ZNF512B: variants seen among roughly 807,000 people sequenced by gnomAD.
ZNF512B encodes the protein zinc finger protein 512B.
In ZNF512B, 22 loss-of-function variants were observed where a neutral mutation model predicts 87.8. The ratio of observed to expected loss-of-function variants is 0.25; its 90% CI spans 0.18 to 0.36. ZNF512B has a LOEUF of 0.36. ZNF512B is among the 10% of genes least tolerant of loss of function. The pLI, the probability that ZNF512B is intolerant of heterozygous loss-of-function variation, is 1.00. For synonymous variants in ZNF512B, 524 were observed against 490.9 expected (o/e 1.07, Z -0.89); for missense variants, 1,060 against 1,231.6 (o/e 0.86, Z 2.09).
intron 1 of ZNF512B, chr20:63,969,222 A>C: frequency 2.0e-6 from 2 of 978,492 alleles, no homozygotes; most frequent in Non-Finnish European, 2.4e-6. Flanking sequence ...CTGAGGCCCC[A>C]CTTCCAATTT....
chr20:63,962,526 C>A, intron 13 of ZNF512B, 61 bp downstream of exon 13: 1 of 1,565,062 alleles, frequency 6.4e-7, no homozygotes, highest in Non-Finnish European at 8.6e-7. Flanking sequence ...AAGTCTCAGG[C>A]CAAGGCATGC....
chr20:63,968,378 G>A (rs539163622), intron 1 of ZNF512B, among the ~76,000 whole-genome samples: 1 of 152,320 alleles, frequency 6.6e-6, no homozygotes, highest in South Asian at 2.1e-4. Flanking sequence ...GAAGGAGGCT[G>A]GCAACATTCC....
rs762479215 is a variant in ZNF512B at position 63,961,993 on chromosome 20, G to A, written c.2277C>T (p.Ala759=). ...HVNCPNDCCE[A]IYSSVSGLKA... The stretch of plus-strand genomic sequence containing the variant: ...TGAGTCCGGACACGCTGGAGTAGAT[G>A]GCTTCACAGCACTGCAGGGAAGGGA... The change falls in exon 15 of 17, where the codon GCC becomes GCT. Residue 759 remains alanine (A), a synonymous_variant. Transcript: ENST00000369888. The surrounding 1 kb of genome is among the most constrained non-coding windows in gnomAD (Gnocchi z 6.4). 18 of 1,551,038 alleles carry A rather than the reference G, an allele frequency of 1.2e-5. 1 individual carries two copies. In the South Asian group the frequency reaches 2.0e-4, roughly 17 times the overall value.
At chr20:63,964,000 C>T (rs1029221830) in intron 8 of ZNF512B, 71 bp downstream of exon 8, 1 of 1,594,188 alleles carries the variant, frequency 6.3e-7, no homozygotes, top group African/African-American at 1.3e-5. Context: ...CCACACTCAG[C>T]CCCCATCCCT....
intron 11 of ZNF512B, 32 bp from the exon 12 acceptor site, chr20:63,963,297 C>A (rs1569195741): frequency 6.5e-7 from 1 of 1,536,998 alleles, no homozygotes; most frequent in South Asian, 1.2e-5. Context: ...GGGTGAGTGG[C>A]CAGCAGGGCC....
chr20:63,963,449 A>G lies in ZNF512B; in HGVS notation c.1699-9T>C, dbSNP rs769500419. 1.9e-6 allele frequency: 3 copies of G among 1,547,340 alleles called. 1 individual carries two copies. In the South Asian group the frequency reaches 3.5e-5, roughly 18 times the overall value. ...GCCTCGGCGTCAGAGGGCTGGGGAC[A>G]GGGTGAGCATCGGTGACCCGGCACC... On this transcript the variant is annotated splice_polypyrimidine_tract_variant and intron_variant, in intron 10 of 16. Coordinates refer to ENST00000369888, the MANE Select transcript of ZNF512B (RefSeq NM_020713.3).
chr20:63,967,608 T>G (rs2058941843), intron 2 of ZNF512B, 85 bp from the exon 3 acceptor site: 8 of 1,507,722 alleles, frequency 5.3e-6, no homozygotes, highest in Non-Finnish European at 7.1e-6. Flanking sequence ...TGAGCACCGC[T>G]GTCCCAACAC....
chr20:63,962,046 CCCCACACCAAGATATACCCCTG>C, intron 14 of ZNF512B, 42 bp from the exon 15 acceptor site: 1 of 1,543,612 alleles, frequency 6.5e-7, no homozygotes, highest in Non-Finnish European at 8.8e-7. Context: ...CTGGTGGGCA[CCCCACACCAAGATATACCCCTG>C]CCCTACCCCA....
Position 63,967,016 on chromosome 20 carries a change from G to T in ZNF512B, c.265-12C>A, listed in dbSNP as rs1569199875. The T allele has an allele frequency of 1.2e-6, 2 of 1,612,958 alleles. No individual in the cohort carries two copies. The highest frequency in any genetic ancestry group is 1.1e-5 in the South Asian group (1 of 91,080). ...TTCATCAGGGAGAGCTAGGCGTGGG[G>T]AAAGGTGGTGCTGCTGACCCGCAGC... is the stretch of plus-strand genomic sequence containing the variant. On this transcript the variant is annotated splice_polypyrimidine_tract_variant and intron_variant, in intron 3 of 16. Transcript: ENST00000369888.
Position 63,962,737 on chromosome 20 carries a change from C to A in ZNF512B, c.2013G>T (p.Pro671=), listed in dbSNP as rs755705136. ...PTDKSPEAED[P]LGVERTPSGR... ...CGCTTGGGGTCCGCTCCACACCCAG[C>A]GGGTCCTCAGCCTCAGGGGACTTGT... The change falls in exon 13 of 17, where the codon CCG becomes CCT. Residue 671 remains proline (P), a synonymous_variant. Coordinates refer to ENST00000369888, the MANE Select transcript of ZNF512B (RefSeq NM_020713.3). 15 of 1,602,650 alleles carry A rather than the reference C, an allele frequency of 9.4e-6. No individual in the cohort carries two copies. The South Asian group carries it at 1.2e-4, about 13-fold the overall frequency.
rs185549657 is a variant in ZNF512B at position 63,956,723 on chromosome 20, A to G, written c.*3165T>C. The G allele has an allele frequency of 2.0e-4, 35 of 178,404 alleles. No homozygotes were observed. Among genetic ancestry groups the G allele is most frequent in the Non-Finnish European group, 3.2e-4 (27 of 85,210 alleles). The allele number at this position is 178,404 out of a possible 1,614,324, so 11.1% of individuals were successfully genotyped here. A position where few individuals can be genotyped will look rare whatever the true frequency, so the allele number is the denominator to read the frequency against. ...AAACCCTGGAAAAAAATCAATAAAC[A>G]TTTATTTGATACAGTCATTTTAATA... On this transcript the variant is annotated 3_prime_UTR_variant, in exon 17 of 17. Coordinates refer to ENST00000369888, the MANE Select transcript of ZNF512B (RefSeq NM_020713.3).
Position 63,966,678 on chromosome 20 carries a change from C to T in ZNF512B, c.497G>A (p.Arg166Gln), listed in dbSNP as rs758705335. The change falls in exon 5 of 17, where the codon CGA (arginine) becomes CAA (glutamine). Residue 166 changes from arginine to glutamine, a missense_variant. Coordinates refer to ENST00000369888, the MANE Select transcript of ZNF512B (RefSeq NM_020713.3). ...CCCAGGCTTGGAGGCAGGCAGGGGT[C>T]GGTCCATGTGGTTCCAGATCCGGTG... ...EKHRIWNHMD[R>Q]PLPASKPGPI... 2.5e-5 allele frequency: 40 copies of T among 1,612,730 alleles called. No individual in the cohort carries two copies. The highest frequency in any genetic ancestry group is 2.0e-4 in the Admixed American group (12 of 59,992).
rs774605254 is a variant in ZNF512B at position 63,963,714 on chromosome 20, C to T, written c.1606-4G>A. On this transcript the variant is annotated splice_polypyrimidine_tract_variant and splice_region_variant and intron_variant, in intron 9 of 16. Coordinates refer to ENST00000369888, the MANE Select transcript of ZNF512B (RefSeq NM_020713.3). ...GGCACTTGAGTGCATCCTGAAGCTG[C>T]AGATGGCCCACATGTGAGAAGCCTG... 7.3e-5 allele frequency: 117 copies of T among 1,613,214 alleles called. 1 individual carries two copies. In the South Asian group the frequency reaches 1.1e-3, roughly 15 times the overall value.
Position 63,963,720 on chromosome 20 carries a change from G to A in ZNF512B, c.1606-10C>T. 6.2e-7 allele frequency: 1 copy of A among 1,613,246 alleles called. No individual in the cohort carries two copies. Among genetic ancestry groups the A allele is most frequent in the Non-Finnish European group, 8.5e-7 (1 of 1,180,018 alleles). On this transcript the variant is annotated splice_polypyrimidine_tract_variant and intron_variant, in intron 9 of 16. Transcript: ENST00000369888. ...TGAGTGCATCCTGAAGCTGCAGATG[G>A]CCCACATGTGAGAAGCCTGCCTGGG...
At position 63,964,317 on chromosome 20, in the gene ZNF512B, T is replaced by C. The variant is rs2058895800; in HGVS notation, c.1333+3A>G. The C allele has an allele frequency of 1.2e-6, 2 of 1,613,772 alleles. No individual in the cohort carries two copies. The highest frequency in any genetic ancestry group is 1.7e-6 in the Non-Finnish European group (2 of 1,179,946). ...GGAGGTGCACACCGGGCTGGGGTCT[T>C]ACCTTTGAGCCCAAAGGTCCCTGAG... On this transcript the variant is annotated splice_donor_region_variant and intron_variant, in intron 7 of 16. Transcript: ENST00000369888.
chr20:63,959,855 G>C lies in ZNF512B; in HGVS notation c.*33C>G, dbSNP rs575902507. The C allele has an allele frequency of 1.5e-4, 235 of 1,525,210 alleles. No individual in the cohort carries two copies. In the South Asian group the frequency reaches 2.6e-3, roughly 17 times the overall value. 94.5% of individuals were successfully genotyped at this position (1,525,210 alleles called of 1,614,324 possible). A position where few individuals can be genotyped will look rare whatever the true frequency, so the allele number is the denominator to read the frequency against. On this transcript the variant is annotated 3_prime_UTR_variant, in exon 17 of 17. Transcript: ENST00000369888. ...TGCCTTGAACAGAGGGCGGTGTGGC[G>C]GCTGCATGGGGGCCAGGCCCCACGC...
Position 63,964,491 on chromosome 20 carries a change from G to A in ZNF512B, c.1260C>T (p.His420=). ...PPEEDPERTK[H]RRKQKTPKKF... is the part of the protein sequence containing the mutation. ...CCACCCCTGGAGCTCTCATCTTACT[G>A]TGCTTTGTGCGCTCCGGGTCCTCCT... The change falls in exon 6 of 17, where the codon CAC becomes CAT. Residue 420 remains histidine (H), a splice_region_variant and synonymous_variant. Transcript: ENST00000369888. 1 of 1,612,976 alleles carries A rather than the reference G, an allele frequency of 6.2e-7. No individual in the cohort carries two copies. The highest frequency in any genetic ancestry group is 8.5e-7 in the Non-Finnish European group (1 of 1,179,824).
At position 63,962,552 on chromosome 20, in the gene ZNF512B, C is replaced by T. The variant is rs769746825; in HGVS notation, c.2163+35G>A. On this transcript the variant is annotated intron_variant, in intron 13 of 16. Coordinates refer to ENST00000369888, the MANE Select transcript of ZNF512B (RefSeq NM_020713.3). Reference sequence around the variant, plus strand: ...CAAGGCATGCCCCACGCAGAGGCCACGGCGCTGTCCACAGCCCTGGGGGGG... The same window carrying T: ...CAAGGCATGCCCCACGCAGAGGCCATGGCGCTGTCCACAGCCCTGGGGGGG... 8.6e-5 allele frequency: 137 copies of T among 1,586,050 alleles called. 1 individual carries two copies. The highest frequency in any genetic ancestry group is 3.3e-4 in the South Asian group (29 of 88,970).
Position 63,967,869 on chromosome 20 carries a change from C to T in ZNF512B, c.82G>A (p.Glu28Lys), listed in dbSNP as rs2058943838. The T allele has an allele frequency of 1.2e-6, 2 of 1,613,396 alleles. No individual in the cohort carries two copies. The highest frequency in any genetic ancestry group is 1.7e-5 in the Admixed American group (1 of 60,002). ...SGPGKDGSRK[E>K]VRLPMLHDPP... Reference sequence around the variant, plus strand: ...TCATGCAGCATTGGAAGTCGGACCTCCTTTCGGCTGCCATCCTTCCCGGGA... The same window carrying T: ...TCATGCAGCATTGGAAGTCGGACCTTCTTTCGGCTGCCATCCTTCCCGGGA... The change falls in exon 2 of 17, where the codon GAG becomes AAG. Residue 28 changes from glutamate (E) to lysine (K), a missense_variant. Transcript: ENST00000369888.
Sources: gnomAD v4.1 joint callset for allele counts (sites outside exome capture counted in the v4.1 genomes callset) on GRCh38, gnomAD v4.1.1 for gene constraint, Gnocchi (gnomAD v3.1) non-coding constraint, MANE v1.5 for transcripts, NCBI Gene and HGNC (gene_info 2026-07-23, HGNC 2026-07-21) for gene names.